The following TTC7B variants were observed in gnomAD, a reference collection of about 807,000 sequenced individuals.
The protein encoded by TTC7B is tetratricopeptide repeat protein 7B.
TTC7B carries 28 observed loss-of-function variants against 106.8 expected under a neutral mutation model. The ratio of observed to expected loss-of-function variants is 0.26; its 90% confidence interval spans 0.19 to 0.36. TTC7B has a LOEUF of 0.36. TTC7B is among the 10% of genes least tolerant of loss of function. TTC7B has a pLI of 1.00. For missense variants in TTC7B, 862 were observed against 1,076.4 expected (o/e 0.80, Z 2.79); for synonymous variants, 405 against 430.6 (o/e 0.94, Z 0.74).
intron 5 of TTC7B, among the ~76,000 whole-genome samples, chr14:90,714,795 T>C (rs1333044341): frequency 6.6e-6 from 1 of 152,050 alleles, no homozygotes; most frequent in Non-Finnish European, 1.5e-5. Flanking sequence ...TGTATAATTA[T>C]TATAGGGTTT....
At chr14:90,668,622 G>A (rs80009533) in intron 9 of TTC7B, among the ~76,000 whole-genome samples, 4,653 of 152,120 alleles carry the variant, frequency 0.031, 232 homozygotes, top group African/African-American at 0.11. Context: ...AACATTCCAA[G>A]GTAGATCTTA....
Position 90,608,199 on chromosome 14 carries a change from T to C in TTC7B, c.1966+2543A>G, listed in dbSNP as rs1892726427. ...TTATTAATCAAGATGGAGGCATTTT[T>C]CCCCATTTTTAGGCAAGCCTTCCCA... On this transcript the variant is annotated intron_variant, in intron 17 of 19. Transcript: ENST00000328459. The surrounding 1 kb of genome is among the most constrained non-coding windows in gnomAD (Gnocchi z 5.1). Among the ~76,000 whole-genome samples, 1 of 152,210 alleles carries C rather than the reference T, an allele frequency of 6.6e-6. No homozygotes were observed. Among genetic ancestry groups the C allele is most frequent in the Non-Finnish European group, 1.5e-5 (1 of 68,042 alleles).
At position 90,657,371 on chromosome 14, in the gene TTC7B, C is replaced by T; in HGVS notation, c.1237-93G>A. The T allele has an allele frequency of 2.4e-6, 3 of 1,234,526 alleles. No individual in the cohort carries two copies. Among genetic ancestry groups the T allele is most frequent in the South Asian group, 2.8e-5 (2 of 71,898 alleles). The allele number at this position is 1,234,526 out of a possible 1,614,324, so 76.5% of individuals were successfully genotyped here. On this transcript the variant is annotated intron_variant, in intron 10 of 19. Coordinates refer to ENST00000328459, the MANE Select transcript of TTC7B (RefSeq NM_001010854.2). This position sits in a 1 kb window ranked among gnomAD's most constrained non-coding sequence, Gnocchi z 4.2. The stretch of plus-strand genomic sequence containing the variant: ...CAGAGGGGTTTTTGGTCAGGGTGAC[C>T]TCCTCGTGGGCTTGTCCAACTTTAA...
intron 19 of TTC7B, among the ~76,000 whole-genome samples, chr14:90,543,562 T>C (rs1889693410): frequency 6.6e-6 from 1 of 152,260 alleles, no homozygotes; most frequent in Admixed American, 6.5e-5. Context: ...TTTCCCTCAC[T>C]GCTCCTTGCT....
At chr14:90,651,106 C>T (rs1885698176) in intron 13 of TTC7B, among the ~76,000 whole-genome samples, 1 of 152,176 alleles carries the variant, frequency 6.6e-6, no homozygotes, top group Admixed American at 6.5e-5. Context: ...GAAAGTACTT[C>T]TCATCAAAGT....
At chr14:90,559,916 G>A (rs564983432) in intron 19 of TTC7B, among the ~76,000 whole-genome samples, 7 of 152,256 alleles carry the variant, frequency 4.6e-5, no homozygotes, top group East Asian at 1.9e-4. Flanking sequence ...TCCACAACGC[G>A]CGCTCCCCCA....
chr14:90,687,456 C>A (rs756785322), intron 7 of TTC7B, among the ~76,000 whole-genome samples: 7 of 152,052 alleles, frequency 4.6e-5, no homozygotes, highest in Non-Finnish European at 8.8e-5. Context: ...AGGGGTGAGG[C>A]CATACTGGAT....
At chr14:90,667,600 T>C (rs1595263217) in intron 9 of TTC7B, among the ~76,000 whole-genome samples, 1 of 152,254 alleles carries the variant, frequency 6.6e-6, no homozygotes, top group East Asian at 1.9e-4. Flanking sequence ...TTTCATTGAT[T>C]AAAATTTTGC....
chr14:90,671,056 T>C (rs1886613314), intron 9 of TTC7B, among the ~76,000 whole-genome samples: 3 of 152,146 alleles, frequency 2.0e-5, no homozygotes, highest in Admixed American at 2.0e-4. Flanking sequence ...TTCTCAGAAG[T>C]CTACGGATCC....
Position 90,538,587 on chromosome 14 carries a change from T to G in TTC7B, c.*2781A>C, listed in dbSNP as rs1400197551. 1 of 152,158 alleles carries G rather than the reference T, an allele frequency of 6.6e-6. No individual in the cohort carries two copies. Among genetic ancestry groups the G allele is most frequent in the Non-Finnish European group, 1.5e-5 (1 of 68,176 alleles). 9.4% of individuals were successfully genotyped at this position (152,158 alleles called of 1,614,324 possible). A position where few individuals can be genotyped will look rare whatever the true frequency, so the allele number is the denominator to read the frequency against. On this transcript the variant is annotated 3_prime_UTR_variant, in exon 20 of 20. Coordinates refer to ENST00000328459, the MANE Select transcript of TTC7B (RefSeq NM_001010854.2). ...TGGGGCCAAGGTACTGGGGATGAAGTTGAATGGGAGAGATTTGAGATGCGA... is the reference window on the plus strand; with the variant it reads ...TGGGGCCAAGGTACTGGGGATGAAGGTGAATGGGAGAGATTTGAGATGCGA...
intron 17 of TTC7B, among the ~76,000 whole-genome samples, chr14:90,606,598 A>G (rs1219346078): frequency 6.6e-6 from 1 of 152,182 alleles, no homozygotes; most frequent in Non-Finnish European, 1.5e-5. Flanking sequence ...CAAAGTAAAG[A>G]CTGTCACTCT....
chr14:90,653,016 TA>T lies in TTC7B; in HGVS notation c.1460-119del, dbSNP rs1380262191. 7.6e-5 allele frequency: 80 copies of T among 1,057,322 alleles called. No homozygotes were observed. The African/African-American group carries it at 9.8e-4, about 13-fold the overall frequency. 65.5% of individuals were successfully genotyped at this position (1,057,322 alleles called of 1,614,324 possible). On this transcript the variant is annotated intron_variant, in intron 12 of 19. Transcript: ENST00000328459. ...TTAAAAGCAACAATGTCTGAGTGCC[TA>T]CGTGCCCAGTCCTGCACCAGGCCCT...
intron 19 of TTC7B, among the ~76,000 whole-genome samples, chr14:90,571,076 C>T (rs546267519): frequency 6.6e-6 from 1 of 152,326 alleles, no homozygotes; most frequent in African/African-American, 2.4e-5. Context: ...TGACCTGGGG[C>T]AGGTGACCAA....
At chr14:90,725,338 T>TCTG (rs1595322609) in intron 5 of TTC7B, among the ~76,000 whole-genome samples, 1 of 152,156 alleles carries the variant, frequency 6.6e-6, no homozygotes, top group African/African-American at 2.4e-5. Flanking sequence ...TGGGAGCCTG[T>TCTG]CTGCTGCTGC....
chr14:90,615,692 C>G (rs749459902), intron 16 of TTC7B, among the ~76,000 whole-genome samples: 1 of 152,154 alleles, frequency 6.6e-6, no homozygotes, highest in Non-Finnish European at 1.5e-5. Flanking sequence ...CACCTCTTAC[C>G]GAGCAGGCTG....
rs1162696135 is a variant in TTC7B, at chr14:90,624,700, T to TA, written c.1752-6656dup. ...TTCCCTCCCATCTTCTGTGTCAGTA[T>TA]AAAAAATGTGCTGATTATATCAAGG... On this transcript the variant is annotated intron_variant, in intron 15 of 19. Coordinates refer to ENST00000328459, the MANE Select transcript of TTC7B (RefSeq NM_001010854.2). The surrounding 1 kb of genome is among the most constrained non-coding windows in gnomAD (Gnocchi z 4.0). Among the ~76,000 whole-genome samples, 7 of 152,346 alleles carry TA rather than the reference T, an allele frequency of 4.6e-5. No individual in the cohort carries two copies. The South Asian group carries it at 8.3e-4, about 18-fold the overall frequency.
intron 18 of TTC7B, among the ~76,000 whole-genome samples, chr14:90,591,158 T>C (rs541141074): frequency 1.3e-5 from 2 of 152,282 alleles, no homozygotes; most frequent in Admixed American, 6.5e-5. Context: ...CTGGCCAACA[T>C]GGTGAAACCC....
intron 4 of TTC7B, among the ~76,000 whole-genome samples, chr14:90,743,203 C>T (rs1889834502): frequency 6.6e-6 from 1 of 152,174 alleles, no homozygotes; most frequent in South Asian, 2.1e-4. Flanking sequence ...TCCCAGATAT[C>T]TTAAACCATG....
Position 90,526,157 on chromosome 14 carries a change from G to T in TTC7B, c.*15211C>A, listed in dbSNP as rs1478334600. The stretch of plus-strand genomic sequence containing the variant: ...TACATTCCCTCCAACAACGTATGAG[G>T]GTTCCAATTTCCCCACGTCCTCACA... On this transcript the variant is annotated 3_prime_UTR_variant, in exon 20 of 20. Transcript: ENST00000328459. 6.6e-6 allele frequency: 1 copy of T among 151,986 alleles called. No individual in the cohort carries two copies. Among genetic ancestry groups the T allele is most frequent in the African/African-American group, 2.4e-5 (1 of 41,346 alleles). 9.4% of individuals were successfully genotyped at this position (151,986 alleles called of 1,614,324 possible). A position where few individuals can be genotyped will look rare whatever the true frequency, so the allele number is the denominator to read the frequency against.
Sources: gnomAD v4.1 joint callset for allele counts (sites outside exome capture counted in the v4.1 genomes callset) on GRCh38, gnomAD v4.1.1 for gene constraint, Gnocchi (gnomAD v3.1) non-coding constraint, MANE v1.5 for transcripts, NCBI Gene and HGNC (gene_info 2026-07-23, HGNC 2026-07-21) for gene names.